Variants in SLC1A3 observed in about 807,000 individuals in gnomAD.
SLC1A3 encodes solute carrier family 1 member 3.
SLC1A3 carries 21 observed loss-of-function variants against 48.1 expected under a neutral mutation model. The observed-to-expected ratio is 0.44, with a 90% confidence interval of 0.31 to 0.63. SLC1A3 has a LOEUF of 0.63. Among genes scored for constraint, SLC1A3 ranks in the 20% least tolerant of loss-of-function variants. The pLI is 0.08. For synonymous variants in SLC1A3, 239 were observed against 251.4 expected (o/e 0.95, Z 0.47); for missense variants, 546 against 689.0 (o/e 0.79, Z 2.32).
intron 2 of SLC1A3, among the ~76,000 whole-genome samples, chr5:36,626,694 A>T (rs1366468478): frequency 6.6e-6 from 1 of 152,222 alleles, no homozygotes; most frequent in African/African-American, 2.4e-5. Flanking sequence ...ATGTTTGTTT[A>T]TTTATATGTG....
chr5:36,651,139 TTTA>T (rs1333218929), intron 3 of SLC1A3, among the ~76,000 whole-genome samples: 687 of 68,414 alleles, frequency 0.01, 6 homozygotes, highest in African/African-American at 0.034. Context: ...CTAAGTTTTT[TTTA>T]AAAAAAAAAA....
chr5:36,634,976 C>T (rs1027005513), intron 3 of SLC1A3, among the ~76,000 whole-genome samples: 12 of 152,096 alleles, frequency 7.9e-5, no homozygotes, highest in Non-Finnish European at 1.2e-4. Flanking sequence ...CTTAAATCTT[C>T]GCATCTGAAG....
intron 6 of SLC1A3, 119 bp from the exon 7 acceptor site, chr5:36,679,508 C>A: frequency 1.3e-6 from 1 of 772,176 alleles, no homozygotes; most frequent in South Asian, 1.4e-5. Context: ...CTAATGGTAT[C>A]CTGGGCAGGA....
At chr5:36,597,881 T>C (rs1738763349) in intron 1 of SLC1A3, among the ~76,000 whole-genome samples, 1 of 152,178 alleles carries the variant, frequency 6.6e-6, no homozygotes, top group South Asian at 2.1e-4. Context: ...AATGAATTCA[T>C]GTCTGTCCTG....
At chr5:36,597,120 G>A (rs1477274818) in intron 1 of SLC1A3, among the ~76,000 whole-genome samples, 1 of 151,528 alleles carries the variant, frequency 6.6e-6, no homozygotes. Context: ...GCTGTGGTTG[G>A]TGTTACTGCT....
intron 4 of SLC1A3, among the ~76,000 whole-genome samples, chr5:36,671,756 G>T (rs1742006027): frequency 6.6e-6 from 1 of 152,112 alleles, no homozygotes; most frequent in African/African-American, 2.4e-5. Flanking sequence ...GAATTTGGCA[G>T]GTCTGTAATA....
At chr5:36,642,510 C>G (rs1416099355) in intron 3 of SLC1A3, among the ~76,000 whole-genome samples, 2 of 151,948 alleles carry the variant, frequency 1.3e-5, no homozygotes, top group Non-Finnish European at 2.9e-5. Context: ...ATTGATAGAC[C>G]TAGGTTTATC....
rs1453237447 is a variant in SLC1A3 at position 36,687,609 on chromosome 5, T to C, written c.*1340T>C. 1 of 152,240 alleles carries C rather than the reference T, an allele frequency of 6.6e-6. No individual in the cohort carries two copies. Among genetic ancestry groups the C allele is most frequent in the East Asian group, 1.9e-4 (1 of 5,202 alleles). 9.4% of individuals were successfully genotyped at this position (152,240 alleles called of 1,614,324 possible). A position where few individuals can be genotyped will look rare whatever the true frequency, so the allele number is the denominator to read the frequency against. On this transcript the variant is annotated 3_prime_UTR_variant, in exon 10 of 10. Transcript: ENST00000265113. ...GTGTTTTTCTTTAATCAAAAGTCCT[T>C]AGAATGAGGGAAACAAAATATTTAT...
intron 3 of SLC1A3, among the ~76,000 whole-genome samples, chr5:36,641,016 C>A (rs1740598199): frequency 6.6e-6 from 1 of 152,076 alleles, no homozygotes; most frequent in Admixed American, 6.6e-5. Context: ...CATACACACA[C>A]ACCAAGAGCT....
chr5:36,608,556 C>T lies in SLC1A3; in HGVS notation c.133C>T (p.Leu45=). The T allele has an allele frequency of 6.2e-7, 1 of 1,613,990 alleles. No homozygotes were observed. Among genetic ancestry groups the T allele is most frequent in the Non-Finnish European group, 8.5e-7 (1 of 1,179,914 alleles). ...TACAAAGGAGGATGTTAAAAGTTAC[C>T]TGTTTCGGAATGCTTTTGTGCTGCT... ...NITKEDVKSY[L]FRNAFVLLTV... is the part of the protein sequence containing the mutation. The change falls in exon 2 of 10, where the codon CTG becomes TTG. Residue 45 remains leucine (L), a synonymous_variant. Coordinates refer to ENST00000265113, the MANE Select transcript of SLC1A3 (RefSeq NM_004172.5).
intron 2 of SLC1A3, among the ~76,000 whole-genome samples, chr5:36,622,404 A>C (rs1739713071): frequency 6.6e-6 from 1 of 152,224 alleles, no homozygotes; most frequent in East Asian, 1.9e-4. Flanking sequence ...TCGCAGATAG[A>C]GGAGGTACTT....
intron 3 of SLC1A3, among the ~76,000 whole-genome samples, chr5:36,636,609 T>C (rs1292114223): frequency 2.0e-5 from 3 of 149,992 alleles, no homozygotes; most frequent in Admixed American, 1.3e-4. Context: ...TCTTTTTTTT[T>C]TTTTTTTGCC....
intron 1 of SLC1A3, among the ~76,000 whole-genome samples, chr5:36,597,409 A>G (rs1184596835): frequency 6.6e-6 from 1 of 151,172 alleles, no homozygotes; most frequent in African/African-American, 2.4e-5. Flanking sequence ...ACGCCCGGCT[A>G]GTTTTTGTAT....
In SLC1A3 at chr5:36,645,712, G is replaced by T. The variant is rs116038424; in HGVS notation, c.319+16125G>T. The stretch of plus-strand genomic sequence containing the variant: ...AAGCCAACCATTCTCAGTAATTTTG[G>T]GGTTGTTTCATTCGTCTTTATTTGG... On this transcript the variant is annotated intron_variant, in intron 3 of 9. Coordinates refer to ENST00000265113, the MANE Select transcript of SLC1A3 (RefSeq NM_004172.5). 5.3e-3 allele frequency among the ~76,000 whole-genome samples: 806 copies of T among 152,218 alleles called. 10 individuals are homozygous for T. The highest frequency in any genetic ancestry group is 0.018 in the African/African-American group (757 of 41,514).
At chr5:36,617,887 C>A (rs1456965593) in intron 2 of SLC1A3, among the ~76,000 whole-genome samples, 3 of 152,010 alleles carry the variant, frequency 2.0e-5, no homozygotes, top group Admixed American at 1.3e-4. Flanking sequence ...TCTGGATATA[C>A]CTAGAAGTGA....
At chr5:36,666,017 A>G (rs1424894822) in intron 3 of SLC1A3, among the ~76,000 whole-genome samples, 1 of 152,168 alleles carries the variant, frequency 6.6e-6, no homozygotes, top group Non-Finnish European at 1.5e-5. Context: ...GCACAGAAAA[A>G]CAATATAGTT....
intron 3 of SLC1A3, among the ~76,000 whole-genome samples, chr5:36,662,985 G>T (rs1379755472): frequency 6.6e-6 from 1 of 152,196 alleles, no homozygotes; most frequent in Non-Finnish European, 1.5e-5. Context: ...TGGAAGTTGT[G>T]CCTCAGTTTC....
rs749639707 is a variant in SLC1A3, at chr5:36,608,607, G to A, written c.181+3G>A. 8 of 1,605,940 alleles carry A rather than the reference G, an allele frequency of 5.0e-6. No homozygotes were observed. The highest frequency in any genetic ancestry group is 6.8e-6 in the Non-Finnish European group (8 of 1,179,238). On this transcript the variant is annotated splice_donor_region_variant and intron_variant, in intron 2 of 9. Transcript: ENST00000265113. The stretch of plus-strand genomic sequence containing the variant: ...CACAGTCACCGCTGTCATTGTGGGT[G>A]AGTCATTTGATTAAAAACAAAAAAA...
chr5:36,658,141 G>A (rs1035361337), intron 3 of SLC1A3, among the ~76,000 whole-genome samples: 4 of 152,206 alleles, frequency 2.6e-5, no homozygotes, highest in South Asian at 2.1e-4. Context: ...AAAACAAAGC[G>A]CCCCACGAAA....
Sources: allele counts gnomAD v4.1 joint callset (sites outside exome capture counted in the v4.1 genomes callset), GRCh38; gene constraint gnomAD v4.1.1; transcripts MANE v1.5; gene names NCBI Gene and HGNC (gene_info 2026-07-23, HGNC 2026-07-21).